Variants in TRAPPC3 observed in about 807,000 individuals in gnomAD.
TRAPPC3 encodes the protein trafficking protein particle complex subunit 3.
TRAPPC3 carries 5 observed loss-of-function variants against 18.2 expected under a neutral mutation model. That is an observed-to-expected ratio of 0.28 (90% CI 0.14 to 0.58). The LOEUF (loss-of-function observed/expected upper bound fraction) is 0.58, where lower values mean the gene tolerates loss of function less well. Among genes scored for constraint, TRAPPC3 ranks in the 20% least tolerant of loss-of-function variants. TRAPPC3 has a pLI of 0.91. For missense variants in TRAPPC3, 176 were observed against 225.9 expected (o/e 0.78, Z 1.41); for synonymous variants, 65 against 84.2 (o/e 0.77, Z 1.25).
intron 1 of TRAPPC3, among the ~76,000 whole-genome samples, chr1:36,148,034 T>C (rs1407892726): frequency 1.3e-5 from 2 of 152,198 alleles, no homozygotes; most frequent in Non-Finnish European, 2.9e-5. Flanking sequence ...TTTTACACCA[T>C]CCCATTTAAT....
At chr1:36,139,940 T>C in intron 2 of TRAPPC3, 121 bp from the exon 3 acceptor site, 1 of 1,500,188 alleles carries the variant, frequency 6.7e-7, no homozygotes, top group East Asian at 2.4e-5. Context: ...TAAATGAGTT[T>C]AGTGAGAAAT....
upstream of TRAPPC3, among the ~76,000 whole-genome samples, chr1:36,150,932 G>C (rs1644265815): frequency 6.6e-6 from 1 of 152,202 alleles, no homozygotes; most frequent in African/African-American, 2.4e-5. Flanking sequence ...GTCGGTCTGG[G>C]CTCCTCCCTG....
chr1:36,140,049 C>T lies in TRAPPC3; in HGVS notation c.140+20G>A, dbSNP rs1185803581. The T allele has an allele frequency of 6.3e-6, 10 of 1,577,804 alleles. No homozygotes were observed. The highest frequency in any genetic ancestry group is 8.6e-6 in the Non-Finnish European group (10 of 1,163,478). ...CTGGGAGGCCCCATTTCTGTCTCTC[C>T]TATGAAGGAGCTCACTCACATTTTG... On this transcript the variant is annotated intron_variant, in intron 2 of 4. Coordinates refer to ENST00000373166, the MANE Select transcript of TRAPPC3 (RefSeq NM_014408.5).
intron 3 of TRAPPC3, among the ~76,000 whole-genome samples, chr1:36,139,158 T>G (rs955618651): frequency 8.0e-6 from 1 of 125,198 alleles, no homozygotes; most frequent in African/African-American, 3.7e-5. Flanking sequence ...GAGTCTGTAT[T>G]TTTTTTTTTT....
rs769901755 is a variant in TRAPPC3 at position 36,137,337 on chromosome 1, G to GA, written c.424-16dup. On this transcript the variant is annotated splice_polypyrimidine_tract_variant and intron_variant, in intron 4 of 4. Coordinates refer to ENST00000373166, the MANE Select transcript of TRAPPC3 (RefSeq NM_014408.5). The stretch of plus-strand genomic sequence containing the variant: ...GCCATCTGGACCTGGGGGACAGTGG[G>GA]AAAACGAAGGGGTAGCTGCCTGGCC... The GA allele has an allele frequency of 9.6e-5, 154 of 1,604,714 alleles. 1 individual carries two copies. In the South Asian group the frequency reaches 1.6e-3, roughly 17 times the overall value.
At chr1:36,144,289 CAAA>C (rs58378686) in intron 1 of TRAPPC3, among the ~76,000 whole-genome samples, 12 of 57,478 alleles carry the variant, frequency 2.1e-4, no homozygotes, top group East Asian at 1.8e-3. Flanking sequence ...ACCCTGTCTC[CAAA>C]AAAAAAAAAA....
At chr1:36,147,479 CAAA>C (rs11355573) in intron 1 of TRAPPC3, among the ~76,000 whole-genome samples, 2 of 137,758 alleles carry the variant, frequency 1.5e-5, no homozygotes, top group Non-Finnish European at 1.6e-5. Context: ...CCTAGCTCTA[CAAA>C]AAAAAAAAAA....
intron 3 of TRAPPC3, among the ~76,000 whole-genome samples, chr1:36,139,153 TG>T: frequency 1.4e-5 from 2 of 146,872 alleles, no homozygotes; most frequent in African/African-American, 5.2e-5. Flanking sequence ...TTTGTGAGTC[TG>T]TATTTTTTTT....
Position 36,136,929 on chromosome 1 carries a change from A to G in TRAPPC3, c.*274T>C, listed in dbSNP as rs1292582344. The G allele has an allele frequency of 3.6e-6, 1 of 275,630 alleles. No individual in the cohort carries two copies. Among genetic ancestry groups the G allele is most frequent in the East Asian group, 6.8e-5 (1 of 14,792 alleles). 17.1% of individuals were successfully genotyped at this position (275,630 alleles called of 1,614,324 possible). ...TGGAAAAATTCAAACAGGAATGTAA[A>G]ATGGTTTGAGCTCTTTCTAGTCCAA... is the stretch of plus-strand genomic sequence containing the variant. On this transcript the variant is annotated 3_prime_UTR_variant, in exon 5 of 5. Transcript: ENST00000373166.
upstream of TRAPPC3, among the ~76,000 whole-genome samples, chr1:36,150,026 T>C (rs1288482020): frequency 6.6e-6 from 1 of 152,224 alleles, no homozygotes; most frequent in Non-Finnish European, 1.5e-5. Flanking sequence ...GCACCTGCCT[T>C]CTACCACCTG....
At position 36,136,735 on chromosome 1, in the gene TRAPPC3, A is replaced by G. The variant is rs1404564558; in HGVS notation, c.*468T>C. On this transcript the variant is annotated 3_prime_UTR_variant, in exon 5 of 5. Transcript: ENST00000373166. Reference sequence around the variant, plus strand: ...CGGCATGACTGGCTCCTTTCCTGGCAAACACTACAATGTGTCACACTACAG... The same window carrying G: ...CGGCATGACTGGCTCCTTTCCTGGCGAACACTACAATGTGTCACACTACAG... 6.5e-6 allele frequency: 1 copy of G among 152,790 alleles called. No individual in the cohort carries two copies. Among genetic ancestry groups the G allele is most frequent in the East Asian group, 1.9e-4 (1 of 5,204 alleles). 9.5% of individuals were successfully genotyped at this position (152,790 alleles called of 1,614,324 possible).
chr1:36,153,514 A>G (rs1227399973), upstream of TRAPPC3, among the ~76,000 whole-genome samples: 1 of 152,178 alleles, frequency 6.6e-6, no homozygotes, highest in Admixed American at 6.5e-5. Context: ...TCCAGCACCA[A>G]CATCTTGTGA....
intron 1 of TRAPPC3, chr1:36,140,829 T>G (rs532080684): frequency 6.6e-6 from 1 of 152,332 alleles, no homozygotes; most frequent in Admixed American, 6.5e-5. Context: ...TCTATTACAA[T>G]AGCAGTTAAA....
At position 36,145,930 on chromosome 1, in the gene TRAPPC3, C is replaced by T. The variant is rs573964284; in HGVS notation, c.42+3407G>A. Among the ~76,000 whole-genome samples the T allele has an allele frequency of 3.7e-4, 56 of 151,818 alleles. 1 individual carries two copies. The highest frequency in any genetic ancestry group is 1.3e-3 in the African/African-American group (55 of 41,372). On this transcript the variant is annotated intron_variant, in intron 1 of 4. Coordinates refer to ENST00000373166, the MANE Select transcript of TRAPPC3 (RefSeq NM_014408.5). The stretch of plus-strand genomic sequence containing the variant: ...CTGGGACTACAGGCGGCCGCCACCA[C>T]GCCCGGCTAACTTTTTTTTTTGTAT...
chr1:36,141,268 T>C (rs1485233124), intron 1 of TRAPPC3, among the ~76,000 whole-genome samples: 1 of 152,096 alleles, frequency 6.6e-6, no homozygotes, highest in Admixed American at 6.5e-5. Flanking sequence ...GGGAAAGGCA[T>C]TATCAGGGTT....
chr1:36,144,251 G>A (rs1357307574), intron 1 of TRAPPC3, among the ~76,000 whole-genome samples: 2 of 120,880 alleles, frequency 1.7e-5, no homozygotes, highest in Admixed American at 1.2e-4. Context: ...TCATGCCACC[G>A]CACTCCAGGC....
chr1:36,140,177 T>C lies in TRAPPC3; in HGVS notation c.43-11A>G. The C allele has an allele frequency of 6.4e-7, 1 of 1,558,004 alleles. No homozygotes were observed. Among genetic ancestry groups the C allele is most frequent in the Non-Finnish European group, 8.7e-7 (1 of 1,155,654 alleles). On this transcript the variant is annotated splice_polypyrimidine_tract_variant and intron_variant, in intron 1 of 4. Transcript: ENST00000373166. ...GAAGAGCTCAGAGCTCTAAAAGAGATTCAAAAGGCAGTCAGGACCAAGCAG... is the reference window on the plus strand; with the variant it reads ...GAAGAGCTCAGAGCTCTAAAAGAGACTCAAAAGGCAGTCAGGACCAAGCAG...
chr1:36,137,063 T>G lies in TRAPPC3; in HGVS notation c.*140A>C. 9.5e-7 allele frequency: 1 copy of G among 1,048,908 alleles called. No homozygotes were observed. Among genetic ancestry groups the G allele is most frequent in the South Asian group, 1.7e-5 (1 of 59,594 alleles). The allele number at this position is 1,048,908 out of a possible 1,614,324, so 65.0% of individuals were successfully genotyped here. A position where few individuals can be genotyped will look rare whatever the true frequency, so the allele number is the denominator to read the frequency against. On this transcript the variant is annotated 3_prime_UTR_variant, in exon 5 of 5. Transcript: ENST00000373166. ...ACTATATCGCAGTCTGCTCTTTATTTGAATGGAGAATGGAAACAGGTTATA... is the reference window on the plus strand; with the variant it reads ...ACTATATCGCAGTCTGCTCTTTATTGGAATGGAGAATGGAAACAGGTTATA...
intron 1 of TRAPPC3, among the ~76,000 whole-genome samples, chr1:36,141,520 G>T (rs151110093): frequency 1.3e-5 from 2 of 152,254 alleles, no homozygotes; most frequent in East Asian, 1.9e-4. Context: ...GGCACTACAA[G>T]AATAATAATT....
Sources: gnomAD v4.1 joint callset for allele counts (sites outside exome capture counted in the v4.1 genomes callset) on GRCh38, gnomAD v4.1.1 for gene constraint, MANE v1.5 for transcripts, NCBI Gene and HGNC (gene_info 2026-07-23, HGNC 2026-07-21) for gene names.